Variants in TTC23 observed in about 807,000 individuals in gnomAD.
The protein encoded by TTC23 is tetratricopeptide repeat protein 23.
A neutral mutation model predicts 55.1 loss-of-function variants in TTC23; 58 were observed. The observed-to-expected ratio is 1.05, with a 90% CI of 0.85 to 1.31. The LOEUF (loss-of-function observed/expected upper bound fraction) is 1.31. Among genes scored for constraint, TTC23 ranks in the 50% most tolerant of loss-of-function variants. The probability of loss-of-function intolerance (pLI) is 0.00; values close to 1 mark genes in which losing one functional copy is unlikely to be tolerated. For synonymous variants in TTC23, 203 were observed against 199.9 expected (o/e 1.02, Z -0.13); for missense variants, 516 against 534.4 (o/e 0.97, Z 0.34).
chr15:99,250,853 A>G (rs1263859078), upstream of TTC23, among the ~76,000 whole-genome samples: 1 of 152,048 alleles, frequency 6.6e-6, no homozygotes, highest in Admixed American at 6.6e-5. Context: ...GTTCGTAGTG[A>G]CCCCTTAAAT....
At chr15:99,233,156 C>A (rs986013569) in intron 4 of TTC23, among the ~76,000 whole-genome samples, 2 of 152,148 alleles carry the variant, frequency 1.3e-5, no homozygotes, top group African/African-American at 4.8e-5. Context: ...TTCAAGAGAT[C>A]TATTGTATAA....
intron 3 of TTC23, among the ~76,000 whole-genome samples, chr15:99,237,787 T>C (rs1006851675): frequency 2.0e-5 from 3 of 152,174 alleles, no homozygotes; most frequent in African/African-American, 4.8e-5. Context: ...GGTGTACACA[T>C]ATGCCCAAAC....
chr15:99,238,704 G>A (rs981988307), intron 3 of TTC23, among the ~76,000 whole-genome samples: 11 of 152,268 alleles, frequency 7.2e-5, no homozygotes, highest in African/African-American at 2.2e-4. Context: ...AGACATTAAC[G>A]TACATGCCAT....
chr15:99,242,053 G>A (rs904600709), intron 2 of TTC23, among the ~76,000 whole-genome samples: 1 of 151,322 alleles, frequency 6.6e-6, no homozygotes, highest in Non-Finnish European at 1.5e-5. Flanking sequence ...GACTGCTTGA[G>A]CCCAGGAGGC....
chr15:99,211,122 C>T (rs946828042), intron 8 of TTC23, among the ~76,000 whole-genome samples: 5 of 152,234 alleles, frequency 3.3e-5, no homozygotes, highest in Non-Finnish European at 5.9e-5. Context: ...TGCCTGTAAT[C>T]CCAGCACTTT....
intron 12 of TTC23, chr15:99,145,495 G>A (rs1485770554): frequency 4.7e-5 from 7 of 149,368 alleles, no homozygotes; most frequent in African/African-American, 4.9e-5. Context: ...ACACTGGAGT[G>A]ACACCTGAGG....
chr15:99,144,916 A>G (rs1212275633), intron 12 of TTC23: 1 of 152,188 alleles, frequency 6.6e-6, no homozygotes, highest in Non-Finnish European at 1.5e-5. Context: ...TTTCATGTCA[A>G]TTCTCAAGGC....
intron 8 of TTC23, among the ~76,000 whole-genome samples, chr15:99,201,508 A>G (rs2076197945): frequency 6.6e-6 from 1 of 152,188 alleles, no homozygotes; most frequent in Non-Finnish European, 1.5e-5. Context: ...ACCACTGGGT[A>G]TTTTTCACAC....
rs2077683829 is a variant in TTC23, at chr15:99,218,883, G to C, written c.455+15C>G. 5 of 1,607,102 alleles carry C rather than the reference G, an allele frequency of 3.1e-6. No homozygotes were observed. The highest frequency in any genetic ancestry group is 4.2e-6 in the Non-Finnish European group (5 of 1,176,552). On this transcript the variant is annotated intron_variant, in intron 7 of 13. Transcript: ENST00000394132. ...ATAGTATTTCTATTTGTAAAAGTTA[G>C]AGGCAAAAGGATACTTTTGAAGGGA...
At chr15:99,222,260 TG>T in intron 5 of TTC23, among the ~76,000 whole-genome samples, 1 of 152,054 alleles carries the variant, frequency 6.6e-6, no homozygotes, top group Middle Eastern at 3.4e-3. Flanking sequence ...GTACACTTTG[TG>T]TGTGTGTGTA....
intron 10 of TTC23, among the ~76,000 whole-genome samples, chr15:99,173,037 G>C (rs1383551277): frequency 6.6e-6 from 1 of 152,180 alleles, no homozygotes; most frequent in African/African-American, 2.4e-5. Flanking sequence ...ACTGAGCACT[G>C]GGTCAAGTGC....
chr15:99,161,100 A>C (rs2071312225), intron 11 of TTC23: 1 of 151,886 alleles, frequency 6.6e-6, no homozygotes, highest in South Asian at 2.1e-4. Context: ...GCATACATGC[A>C]CACATACATA....
At chr15:99,228,314 T>C (rs1407202464) in intron 5 of TTC23, 1 of 393,134 alleles carries the variant, frequency 2.5e-6, no homozygotes, top group African/African-American at 2.0e-5. Flanking sequence ...TGGCACACAG[T>C]GCGAGCTCAA....
At chr15:99,165,056 T>C (rs1264173377) in intron 10 of TTC23, among the ~76,000 whole-genome samples, 2 of 152,238 alleles carry the variant, frequency 1.3e-5, no homozygotes, top group Non-Finnish European at 2.9e-5. Context: ...GAATAAATGA[T>C]AACAGGACTG....
chr15:99,232,747 A>G (rs2079030319), intron 4 of TTC23, among the ~76,000 whole-genome samples: 1 of 152,210 alleles, frequency 6.6e-6, no homozygotes, highest in African/African-American at 2.4e-5. Flanking sequence ...TCAAAAATTA[A>G]AAACAGAACT....
chr15:99,238,486 G>T (rs1231089709), intron 3 of TTC23, among the ~76,000 whole-genome samples: 3 of 152,150 alleles, frequency 2.0e-5, no homozygotes, highest in Admixed American at 2.0e-4. Context: ...CTGCTGCAAT[G>T]ACCTTGCTTG....
intron 5 of TTC23, among the ~76,000 whole-genome samples, chr15:99,227,876 G>C (rs2078591723): frequency 6.6e-6 from 1 of 152,152 alleles, no homozygotes; most frequent in African/African-American, 2.4e-5. Flanking sequence ...TGCCTTAACT[G>C]CTGTCCCTCT....
Position 99,182,246 on chromosome 15 carries a change from TCTCACACACACA to T in TTC23, c.760-7103_760-7092del, listed in dbSNP as rs1442724165. ...AAATCTCTCTCTCTCTCTCTCTCTCTCTCACACACACACACACACACACACACACACACACAC... is the reference window on the plus strand; with the variant it reads ...AAATCTCTCTCTCTCTCTCTCTCTCTCACACACACACACACACACACACAC... On this transcript the variant is annotated intron_variant, in intron 9 of 13. Coordinates refer to ENST00000394132, the MANE Select transcript of TTC23 (RefSeq NM_001288615.3). Among the ~76,000 whole-genome samples the T allele has an allele frequency of 2.2e-4, 25 of 112,820 alleles. No individual in the cohort carries two copies. In the East Asian group the frequency reaches 2.8e-3, roughly 13 times the overall value. 74.0% of individuals were successfully genotyped at this position (112,820 alleles called of 152,430 possible). A position where few individuals can be genotyped will look rare whatever the true frequency, so the allele number is the denominator to read the frequency against.
At chr15:99,228,815 A>C in intron 4 of TTC23, 83 bp from the exon 5 acceptor site, 2 of 1,149,396 alleles carry the variant, frequency 1.7e-6, no homozygotes, top group Non-Finnish European at 1.2e-6. Flanking sequence ...CACTATACCC[A>C]TAATTTCTTT....
Sources: gnomAD v4.1 joint callset for allele counts (sites outside exome capture counted in the v4.1 genomes callset) on GRCh38, gnomAD v4.1.1 for gene constraint, MANE v1.5 for transcripts, NCBI Gene and HGNC (gene_info 2026-07-23, HGNC 2026-07-21) for gene names.